The following PCDHA5 variants were observed in gnomAD, a reference collection of about 807,000 sequenced individuals.
The protein encoded by PCDHA5 is protocadherin alpha-5.
Under a neutral mutation model 61.6 loss-of-function variants are expected in PCDHA5, and 43 were observed. That is an observed-to-expected ratio of 0.70 (90% CI 0.55 to 0.90). The LOEUF (loss-of-function observed/expected upper bound fraction) is 0.90. PCDHA5 is among the 40% of genes least tolerant of loss of function. The pLI, the probability that PCDHA5 is intolerant of heterozygous loss-of-function variation, is 0.00. For synonymous variants in PCDHA5, 627 were observed against 543.9 expected, an observed-to-expected ratio of 1.15 and a Z score of -2.13; for missense variants, 1,298 against 1,222.7, an observed-to-expected ratio of 1.06 and a Z score of -0.92.
Position 140,969,610 on chromosome 5 carries a change from G to A in PCDHA5, c.2353-9339G>A, listed in dbSNP as rs1468528731. 9 of 723,424 alleles carry A rather than the reference G, an allele frequency of 1.2e-5. No individual in the cohort carries two copies. In the African/African-American group the frequency reaches 1.4e-4, roughly 11 times the overall value. The allele number at this position is 723,424 out of a possible 1,614,324, so 44.8% of individuals were successfully genotyped here. On this transcript the variant is annotated intron_variant, in intron 1 of 3. Transcript: ENST00000529859. ...TCTTAATATTTAATGCTAAAACACA[G>A]ATTTGTAGAGAAACAGGACAGGCCT...
At chr5:141,005,184 A>G (rs964423938) in intron 3 of PCDHA5, among the ~76,000 whole-genome samples, 27 of 152,196 alleles carry the variant, frequency 1.8e-4, no homozygotes, top group Non-Finnish European at 3.7e-4. Flanking sequence ...CACTTCTCAC[A>G]TCAGTCCTTT....
At chr5:140,934,163 G>A (rs2153618590) in intron 1 of PCDHA5, among the ~76,000 whole-genome samples, 1 of 152,110 alleles carries the variant, frequency 6.6e-6, no homozygotes, top group Non-Finnish European at 1.5e-5. Flanking sequence ...ATTTCAGTGT[G>A]CAACAGAAGT....
chr5:140,850,436 A>G (rs2150484342), intron 1 of PCDHA5: 1 of 1,597,612 alleles, frequency 6.3e-7, no homozygotes, highest in Admixed American at 1.7e-5. Context: ...GCCAGCGCCT[A>G]CTGGTGCTGG....
In PCDHA5 at chr5:141,010,847, A is replaced by C. The variant is rs2098418553; in HGVS notation, c.*910A>C. 6.5e-6 allele frequency: 1 copy of C among 153,782 alleles called. No homozygotes were observed. Among genetic ancestry groups the C allele is most frequent in the Non-Finnish European group, 1.5e-5 (1 of 68,062 alleles). The allele number at this position is 153,782 out of a possible 1,614,324, so 9.5% of individuals were successfully genotyped here. A position where few individuals can be genotyped will look rare whatever the true frequency, so the allele number is the denominator to read the frequency against. ...TTGTTGTTTCATAGATTTATTTAAA[A>C]AAAGAGAAAGTCTATAGCTATAAAT... On this transcript the variant is annotated 3_prime_UTR_variant, in exon 4 of 4. Transcript: ENST00000529859.
chr5:140,926,209 T>A (rs553307318), intron 1 of PCDHA5, among the ~76,000 whole-genome samples: 1 of 152,028 alleles, frequency 6.6e-6, no homozygotes, highest in African/African-American at 2.4e-5. Context: ...GGGGGGCTCC[T>A]GTTTCCTTAA....
At chr5:140,895,784 T>C (rs2065158516) in intron 1 of PCDHA5, among the ~76,000 whole-genome samples, 1 of 152,166 alleles carries the variant, frequency 6.6e-6, no homozygotes, top group Non-Finnish European at 1.5e-5. Flanking sequence ...TAGTATTCAA[T>C]GACGTATATG....
intron 1 of PCDHA5, chr5:140,829,930 C>G (rs2150178008): frequency 1.2e-6 from 2 of 1,613,986 alleles, no homozygotes; most frequent in Non-Finnish European, 1.7e-6. Context: ...AGCTGCAGCC[C>G]CCGGCAAGCA....
In PCDHA5 at chr5:140,891,823, C is replaced by T. The variant is rs186209593; in HGVS notation, c.2352+67696C>T. On this transcript the variant is annotated intron_variant, in intron 1 of 3. Transcript: ENST00000529859. ...TGCCCTCATGAATAAATTAACGGCACTGTAAAAGGACTTGATGGAAGGAGC... is the reference window on the plus strand; with the variant it reads ...TGCCCTCATGAATAAATTAACGGCATTGTAAAAGGACTTGATGGAAGGAGC... Among the ~76,000 whole-genome samples, 1,217 of 152,254 alleles carry T rather than the reference C, an allele frequency of 8.0e-3. 6 individuals carry two copies. The highest frequency in any genetic ancestry group is 0.019 in the African/African-American group (784 of 41,536).
intron 1 of PCDHA5, chr5:140,856,383 C>A (rs1053203263): frequency 3.8e-6 from 6 of 1,598,432 alleles, no homozygotes; most frequent in Non-Finnish European, 5.1e-6. Flanking sequence ...GTGGACAGGC[C>A]GCTGCAGGTT....
chr5:140,837,119 A>G (rs1472811224), intron 1 of PCDHA5: 1 of 156,890 alleles, frequency 6.4e-6, no homozygotes, highest in Non-Finnish European at 1.4e-5. Flanking sequence ...ATGTTACCTA[A>G]TATTTTATTC....
At chr5:140,859,226 A>G (rs190980812) in intron 1 of PCDHA5, 1 of 149,940 alleles carries the variant, frequency 6.7e-6, no homozygotes, top group East Asian at 1.9e-4. Flanking sequence ...ACTTTAAGGA[A>G]GGAGTCATGC....
At chr5:140,851,190 G>T in intron 1 of PCDHA5, 1 of 1,221,164 alleles carries the variant, frequency 8.2e-7, no homozygotes, top group Non-Finnish European at 1.1e-6. Flanking sequence ...AACCAATTTA[G>T]TTGTTAGTCA....
At chr5:140,884,833 C>G in intron 1 of PCDHA5, 1 of 916,634 alleles carries the variant, frequency 1.1e-6, no homozygotes, top group Non-Finnish European at 1.5e-6. Context: ...GTTGGATTAT[C>G]CTTCAGAGTG....
intron 1 of PCDHA5, chr5:140,928,245 A>G: frequency 2.5e-6 from 4 of 1,614,192 alleles, no homozygotes; most frequent in Non-Finnish European, 8.5e-7. Context: ...CCCAGCAGGA[A>G]CTTTTCGTTG....
chr5:140,897,561 G>A (rs1168105225), intron 1 of PCDHA5, among the ~76,000 whole-genome samples: 1 of 151,976 alleles, frequency 6.6e-6, no homozygotes, highest in Non-Finnish European at 1.5e-5. Flanking sequence ...GTGTATATGT[G>A]CCACATTTTC....
At chr5:140,836,949 T>C in intron 1 of PCDHA5, 1 of 431,294 alleles carries the variant, frequency 2.3e-6, no homozygotes, top group Non-Finnish European at 4.0e-6. Context: ...TCAAAATCTA[T>C]GGTTTATGTT....
At chr5:140,858,713 G>A (rs1554151978) in intron 1 of PCDHA5, 3 of 521,676 alleles carry the variant, frequency 5.8e-6, no homozygotes, top group African/African-American at 3.9e-5. Context: ...TGTGATATAG[G>A]TTGCAGTTCT....
intron 1 of PCDHA5, among the ~76,000 whole-genome samples, chr5:140,925,279 C>T (rs1477579286): frequency 6.6e-6 from 1 of 152,058 alleles, no homozygotes; most frequent in African/African-American, 2.4e-5. Context: ...TCAGATTTTG[C>T]CTTTCAAATG....
intron 1 of PCDHA5, among the ~76,000 whole-genome samples, chr5:140,925,502 C>G (rs978472276): frequency 6.6e-6 from 1 of 151,912 alleles, no homozygotes; most frequent in Admixed American, 6.6e-5. Context: ...GTCCCAATAT[C>G]CACGCAAAAG....
Sources: gnomAD v4.1 joint callset for allele counts (sites outside exome capture counted in the v4.1 genomes callset) on GRCh38, gnomAD v4.1.1 for gene constraint, MANE v1.5 for transcripts, NCBI Gene and HGNC (gene_info 2026-07-23, HGNC 2026-07-21) for gene names.